CCSER1: variants seen among roughly 807,000 people sequenced by gnomAD.
The protein encoded by CCSER1 is coiled-coil serine rich protein 1, also known as serine-rich coiled-coil domain-containing protein 1.
In CCSER1, 41 loss-of-function variants were observed where a neutral mutation model predicts 82.0. That is an observed-to-expected ratio of 0.50 (90% CI 0.39 to 0.65). The LOEUF is 0.65. CCSER1 is among the 30% of genes least tolerant of loss of function. The pLI is 0.00. For missense variants in CCSER1, 1,119 were observed against 1,064.2 expected (o/e 1.05, Z -0.72); for synonymous variants, 414 against 383.9 (o/e 1.08, Z -0.92).
intron 5 of CCSER1, among the ~76,000 whole-genome samples, chr4:90,548,134 GA>G (rs111516592): frequency 0.015 from 2,281 of 150,136 alleles, 69 homozygotes; most frequent in African/African-American, 0.052. Flanking sequence ...TTATAGACCA[GA>G]AAAAAAAAAT....
intron 8 of CCSER1, among the ~76,000 whole-genome samples, chr4:90,866,224 G>A (rs17196007): frequency 0.071 from 10,833 of 151,822 alleles, 495 homozygotes; most frequent in Admixed American, 0.13. Context: ...ACAATGGCTA[G>A]CACTGTGAAT....
At chr4:91,399,414 A>G (rs1396131983) in intron 10 of CCSER1, among the ~76,000 whole-genome samples, 3 of 151,890 alleles carry the variant, frequency 2.0e-5, no homozygotes, top group Non-Finnish European at 4.4e-5. Context: ...AGTAGGAGGA[A>G]ATTTTAAAAT....
intron 10 of CCSER1, among the ~76,000 whole-genome samples, chr4:91,225,969 G>T (rs1400809366): frequency 6.6e-6 from 1 of 151,848 alleles, no homozygotes; most frequent in African/African-American, 2.4e-5. Flanking sequence ...GAAATAATTT[G>T]TAAGTTGACA....
chr4:90,218,620 G>A (rs562347543), intron 1 of CCSER1, among the ~76,000 whole-genome samples: 2 of 152,280 alleles, frequency 1.3e-5, no homozygotes, highest in South Asian at 2.1e-4. Context: ...TAACTTTTCA[G>A]GGTCTTAATT....
chr4:91,534,336 G>A lies in CCSER1; in HGVS notation c.2218-64236G>A, dbSNP rs909665757. On this transcript the variant is annotated intron_variant, in intron 10 of 10. Coordinates refer to ENST00000509176, the MANE Select transcript of CCSER1 (RefSeq NM_001145065.2). Reference sequence around the variant, plus strand: ...TCCGCTCTCTTCCTTTCCAACCTAAGTTATAATGGTTTTAAGTATGTATCT... The same window carrying A: ...TCCGCTCTCTTCCTTTCCAACCTAAATTATAATGGTTTTAAGTATGTATCT... 3.9e-5 allele frequency among the ~76,000 whole-genome samples: 6 copies of A among 151,928 alleles called. 1 individual carries two copies. The East Asian group carries it at 5.8e-4, about 15-fold the overall frequency.
chr4:90,270,636 T>C (rs7684334), intron 1 of CCSER1, among the ~76,000 whole-genome samples: 8,359 of 152,082 alleles, frequency 0.055, 618 homozygotes, highest in African/African-American at 0.17. Flanking sequence ...TACTGGAAGT[T>C]CTAGATAGAG....
At chr4:91,429,123 CT>C (rs1157208716) in intron 10 of CCSER1, among the ~76,000 whole-genome samples, 1 of 151,808 alleles carries the variant, frequency 6.6e-6, no homozygotes, top group Non-Finnish European at 1.5e-5. Context: ...AATACTTTTT[CT>C]TTTCAAGCTA....
intron 7 of CCSER1, among the ~76,000 whole-genome samples, chr4:90,759,805 T>G (rs2149515232): frequency 6.6e-6 from 1 of 152,278 alleles, no homozygotes; most frequent in Middle Eastern, 3.4e-3. Flanking sequence ...CTTCACCACA[T>G]ATATACCACA....
rs116697241 is a variant in CCSER1 at position 91,290,113 on chromosome 4, A to G, written c.2217+204119A>G. On this transcript the variant is annotated intron_variant, in intron 10 of 10. Transcript: ENST00000509176. ...TAACAAGCTAGCTACAAAACATTCTATAGTCAGTAACTATATCATCCAAAA... is the reference window on the plus strand; with the variant it reads ...TAACAAGCTAGCTACAAAACATTCTGTAGTCAGTAACTATATCATCCAAAA... 7.5e-3 allele frequency among the ~76,000 whole-genome samples: 1,142 copies of G among 152,098 alleles called. 12 individuals carry two copies. Among genetic ancestry groups the G allele is most frequent in the African/African-American group, 0.026 (1,072 of 41,560 alleles).
chr4:90,468,779 A>C (rs1234485679), intron 5 of CCSER1, among the ~76,000 whole-genome samples: 2 of 152,198 alleles, frequency 1.3e-5, no homozygotes, highest in East Asian at 3.9e-4. Flanking sequence ...ATTTTTACTA[A>C]ATTAGAACAA....
chr4:90,961,589 T>C (rs1734058408), intron 9 of CCSER1, among the ~76,000 whole-genome samples: 1 of 152,114 alleles, frequency 6.6e-6, no homozygotes, highest in Non-Finnish European at 1.5e-5. Context: ...TACTGACACC[T>C]TAAGAATGGA....
At chr4:90,326,473 T>G (rs1259135389) in intron 3 of CCSER1, among the ~76,000 whole-genome samples, 25 of 145,236 alleles carry the variant, frequency 1.7e-4, no homozygotes, top group Non-Finnish European at 1.5e-5. Flanking sequence ...TGCTCTGAAA[T>G]TCCATATATA....
chr4:90,833,996 C>T (rs75281166), intron 8 of CCSER1, among the ~76,000 whole-genome samples: 25,484 of 152,138 alleles, frequency 0.17, 2,595 homozygotes, highest in South Asian at 0.27. Context: ...ATGCCAGTGC[C>T]ATACTCTGGG....
chr4:90,473,098 A>C (rs1764614779), intron 5 of CCSER1, among the ~76,000 whole-genome samples: 1 of 152,216 alleles, frequency 6.6e-6, no homozygotes, highest in Non-Finnish European at 1.5e-5. Flanking sequence ...TCAAAACTCT[A>C]CATTTCTCAA....
intron 8 of CCSER1, among the ~76,000 whole-genome samples, chr4:90,907,269 G>A (rs570783860): frequency 1.3e-5 from 2 of 152,236 alleles, no homozygotes; most frequent in African/African-American, 2.4e-5. Flanking sequence ...AAAAGTGAGA[G>A]AGATGTAGAG....
chr4:91,037,168 G>T (rs980959291), intron 9 of CCSER1, among the ~76,000 whole-genome samples: 1 of 151,922 alleles, frequency 6.6e-6, no homozygotes, highest in Non-Finnish European at 1.5e-5. Flanking sequence ...TCTCTGCATT[G>T]TCTTTTCATA....
At chr4:90,532,845 C>T (rs1000179745) in intron 5 of CCSER1, among the ~76,000 whole-genome samples, 10 of 152,122 alleles carry the variant, frequency 6.6e-5, no homozygotes, top group Non-Finnish European at 1.3e-4. Flanking sequence ...TAGCTTCCTC[C>T]TCTACTTCTC....
intron 8 of CCSER1, chr4:90,911,220 A>C (rs1215311717): frequency 2.3e-6 from 1 of 433,930 alleles, no homozygotes; most frequent in Non-Finnish European, 4.5e-6. Context: ...ACAACAAAAA[A>C]ATTATATTAA....
intron 5 of CCSER1, among the ~76,000 whole-genome samples, chr4:90,538,421 G>C (rs1038317274): frequency 1.3e-5 from 2 of 151,812 alleles, no homozygotes; most frequent in Admixed American, 1.3e-4. Flanking sequence ...ATTTGCAGGG[G>C]ATATTATGGG....
Sources: allele counts gnomAD v4.1 joint callset (sites outside exome capture counted in the v4.1 genomes callset), GRCh38; gene constraint gnomAD v4.1.1; transcripts MANE v1.5; gene names NCBI Gene and HGNC (gene_info 2026-07-23, HGNC 2026-07-21).